The following SLC30A8 variants were observed in gnomAD, a reference collection of about 807,000 sequenced individuals.
SLC30A8 encodes proton-coupled zinc antiporter SLC30A8.
Under a neutral mutation model 36.9 loss-of-function variants are expected in SLC30A8, and 27 were observed. That is an observed-to-expected ratio of 0.73 (90% CI 0.54 to 1.01). SLC30A8 has a LOEUF of 1.01. SLC30A8 is among the 50% of genes least tolerant of loss of function. The probability of loss-of-function intolerance (pLI) is 0.00; values close to 1 mark genes in which losing one functional copy is unlikely to be tolerated. For synonymous variants in SLC30A8, 164 were observed against 172.4 expected (o/e 0.95, Z 0.38); for missense variants, 439 against 452.0 (o/e 0.97, Z 0.26).
At chr8:116,954,518 TAGTGGTCA>T (rs1814120676) in intron 1 of SLC30A8, among the ~76,000 whole-genome samples, 1 of 152,162 alleles carries the variant, frequency 6.6e-6, no homozygotes, top group Non-Finnish European at 1.5e-5. Context: ...AGGGCTTGTC[TAGTGGTCA>T]AGTATGATAG....
intron 1 of SLC30A8, among the ~76,000 whole-genome samples, chr8:116,963,089 T>C (rs994483713): frequency 6.6e-6 from 1 of 152,000 alleles, no homozygotes; most frequent in Non-Finnish European, 1.5e-5. Flanking sequence ...ACTTTAAGAA[T>C]GTAGGAAATC....
In SLC30A8 at chr8:117,157,739, G is replaced by T. The variant is rs751432460; in HGVS notation, c.467G>T (p.Gly156Val). The T allele has an allele frequency of 6.2e-7, 1 of 1,614,074 alleles. No individual in the cohort carries two copies. The highest frequency in any genetic ancestry group is 1.1e-5 in the South Asian group (1 of 91,062). The change falls in exon 4 of 8, where the codon GGC (glycine) becomes GTC (valine). Residue 156 changes from glycine to valine, a missense_variant. Transcript: ENST00000456015. Reference protein sequence around the residue: ...LSILCIWVVTGVLVYLACERL... With the variant: ...LSILCIWVVTVVLVYLACERL... ...ATCCTGTGCATCTGGGTGGTGACTG[G>T]CGTGCTAGTGTACCTGGCATGTGAG...
intron 1 of SLC30A8, among the ~76,000 whole-genome samples, chr8:116,982,531 A>C (rs72685361): frequency 4.1e-4 from 63 of 152,356 alleles, no homozygotes; most frequent in Non-Finnish European, 4.3e-4. Context: ...CTACACACAC[A>C]AGAAAGATTA....
chr8:116,960,500 C>T (rs1023593923), intron 1 of SLC30A8, among the ~76,000 whole-genome samples: 3 of 152,188 alleles, frequency 2.0e-5, no homozygotes, highest in African/African-American at 7.2e-5. Flanking sequence ...ACTCTCATTG[C>T]CTTTACAAAG....
At chr8:117,006,625 G>C (rs1396832669) in intron 1 of SLC30A8, among the ~76,000 whole-genome samples, 8 of 152,020 alleles carry the variant, frequency 5.3e-5, no homozygotes, top group Non-Finnish European at 1.2e-4. Flanking sequence ...TGGAAAAAGT[G>C]GGGGCAGAAC....
intron 1 of SLC30A8, among the ~76,000 whole-genome samples, chr8:117,035,370 T>C (rs1817180746): frequency 6.6e-6 from 1 of 152,354 alleles, no homozygotes; most frequent in Middle Eastern, 3.4e-3. Context: ...CCCATGCAAG[T>C]CTGAAACCCA....
intron 2 of SLC30A8, among the ~76,000 whole-genome samples, chr8:117,065,007 T>C (rs1174870855): frequency 1.3e-5 from 2 of 152,248 alleles, no homozygotes; most frequent in African/African-American, 4.8e-5. Context: ...TCAATGTCTT[T>C]ACACATTAAA....
chr8:117,043,069 G>T (rs1817439259), intron 2 of SLC30A8, among the ~76,000 whole-genome samples: 1 of 152,222 alleles, frequency 6.6e-6, no homozygotes, highest in African/African-American at 2.4e-5. Context: ...CAGAAACCCT[G>T]CAGGATATCA....
intron 6 of SLC30A8, among the ~76,000 whole-genome samples, chr8:117,166,027 T>C (rs1823039486): frequency 6.6e-6 from 1 of 151,922 alleles, no homozygotes; most frequent in Non-Finnish European, 1.5e-5. Flanking sequence ...AAAATTACAA[T>C]GAGATAGCAG....
At chr8:116,967,804 G>A (rs1476227188) in intron 1 of SLC30A8, among the ~76,000 whole-genome samples, 2 of 152,126 alleles carry the variant, frequency 1.3e-5, no homozygotes, top group Admixed American at 6.6e-5. Flanking sequence ...CAATTTAGGG[G>A]TACATCTAGC....
At chr8:117,031,288 A>G (rs770368663) in intron 1 of SLC30A8, among the ~76,000 whole-genome samples, 3 of 152,210 alleles carry the variant, frequency 2.0e-5, no homozygotes, top group Non-Finnish European at 2.9e-5. Context: ...TTTTGCTGGT[A>G]AGAAAACTGT....
chr8:117,157,955 C>G (rs754411977), intron 4 of SLC30A8, 111 bp downstream of exon 4: 7 of 1,231,204 alleles, frequency 5.7e-6, no homozygotes, highest in African/African-American at 1.5e-5. Context: ...AGAGACTGGA[C>G]AGAGTGTTTG....
At chr8:117,051,194 T>G (rs894032792) in intron 2 of SLC30A8, among the ~76,000 whole-genome samples, 1 of 152,218 alleles carries the variant, frequency 6.6e-6, no homozygotes, top group Non-Finnish European at 1.5e-5. Context: ...TACTATAGTT[T>G]TATTATTTTG....
At chr8:117,154,103 T>C (rs1341956939) in intron 3 of SLC30A8, among the ~76,000 whole-genome samples, 2 of 152,206 alleles carry the variant, frequency 1.3e-5, no homozygotes, top group African/African-American at 4.8e-5. Context: ...TTAATTTTAA[T>C]AAGTTCTGGG....
At chr8:117,100,302 C>T (rs1295036796) in intron 2 of SLC30A8, among the ~76,000 whole-genome samples, 1 of 152,164 alleles carries the variant, frequency 6.6e-6, no homozygotes, top group Non-Finnish European at 1.5e-5. Context: ...AGCAATATCA[C>T]AGTGGAAAAG....
At chr8:117,049,082 A>G (rs1179718047) in intron 2 of SLC30A8, among the ~76,000 whole-genome samples, 1 of 152,194 alleles carries the variant, frequency 6.6e-6, no homozygotes, top group African/African-American at 2.4e-5. Context: ...GCATTTTAGA[A>G]TGGATTAAAT....
chr8:117,024,602 A>G (rs2130729738), intron 1 of SLC30A8, among the ~76,000 whole-genome samples: 1 of 152,286 alleles, frequency 6.6e-6, no homozygotes, highest in South Asian at 2.1e-4. Context: ...ATATGGTTCA[A>G]TTTTATGAAC....
At chr8:117,167,852 T>A (rs1374091106) in intron 6 of SLC30A8, among the ~76,000 whole-genome samples, 2 of 152,098 alleles carry the variant, frequency 1.3e-5, no homozygotes, top group African/African-American at 4.8e-5. Flanking sequence ...GTTTTTTCAC[T>A]GCTCATAAAG....
intron 2 of SLC30A8, among the ~76,000 whole-genome samples, chr8:117,104,039 C>T (rs1257706801): frequency 8.5e-5 from 13 of 152,146 alleles, no homozygotes; most frequent in Admixed American, 7.9e-4. Context: ...CTCCTGGATA[C>T]CCCGTCGCTA....
Sources: allele counts gnomAD v4.1 joint callset (sites outside exome capture counted in the v4.1 genomes callset), GRCh38; gene constraint gnomAD v4.1.1; transcripts MANE v1.5; gene names NCBI Gene and HGNC (gene_info 2026-07-23, HGNC 2026-07-21).